GIMD1: variants seen among roughly 807,000 people sequenced by gnomAD.
GIMD1 encodes GTPase IMAP family member GIMD1.
Under a neutral mutation model 14.9 loss-of-function variants are expected in GIMD1, and 14 were observed. That is an observed-to-expected ratio of 0.94 (90% CI 0.62 to 1.47). The LOEUF (loss-of-function observed/expected upper bound fraction) is 1.47. Among genes scored for constraint, GIMD1 ranks in the 40% most tolerant of loss-of-function variants. GIMD1 has a pLI of 0.00. For synonymous variants in GIMD1, 91 were observed against 90.5 expected (o/e 1.01, Z -0.03); for missense variants, 272 against 255.3 (o/e 1.07, Z -0.44).
chr4:106,362,652 GAAAC>G (rs1204712181), intron 2 of GIMD1, among the ~76,000 whole-genome samples: 2 of 151,934 alleles, frequency 1.3e-5, no homozygotes, highest in African/African-American at 4.8e-5. Context: ...TTTTTAGGGT[GAAAC>G]AAACAAACAA....
intron 2 of GIMD1, 32 bp downstream of exon 2, chr4:106,367,011 A>G: frequency 8.0e-7 from 1 of 1,252,628 alleles, no homozygotes; most frequent in Non-Finnish European, 1.1e-6. Context: ...AGAAGTAATA[A>G]TGGCATTAGT....
intron 2 of GIMD1, among the ~76,000 whole-genome samples, chr4:106,359,036 C>A (rs1272560432): frequency 1.3e-5 from 2 of 151,816 alleles, no homozygotes; most frequent in East Asian, 3.9e-4. Flanking sequence ...AGAATGGAAC[C>A]CAATTTATCT....
rs542585678 is a variant in GIMD1, at chr4:106,361,296, A to G, written c.394-2853T>C. On this transcript the variant is annotated intron_variant, in intron 2 of 2. Transcript: ENST00000638719. The stretch of plus-strand genomic sequence containing the variant: ...AGACAGACAGGAAAGAAATACTTTG[A>G]ATTTGTTTCAATTGCAAGTGTGATA... Among the ~76,000 whole-genome samples the G allele has an allele frequency of 5.9e-4, 90 of 152,152 alleles. 4 individuals carry two copies. The highest frequency in any genetic ancestry group is 1.8e-3 in the Admixed American group (27 of 15,242).
chr4:106,365,619 G>A (rs1405961048), intron 2 of GIMD1, among the ~76,000 whole-genome samples: 1 of 152,056 alleles, frequency 6.6e-6, no homozygotes, highest in Non-Finnish European at 1.5e-5. Context: ...TCACCATTCA[G>A]TATAAAGTTT....
Position 106,358,115 on chromosome 4 carries a change from A to C in GIMD1, c.*68T>G. 1.9e-6 allele frequency: 2 copies of C among 1,072,340 alleles called. No homozygotes were observed. The highest frequency in any genetic ancestry group is 2.6e-6 in the Non-Finnish European group (2 of 770,960). 66.4% of individuals were successfully genotyped at this position (1,072,340 alleles called of 1,614,324 possible). On this transcript the variant is annotated 3_prime_UTR_variant, in exon 3 of 3. Coordinates refer to ENST00000638719, the MANE Select transcript of GIMD1 (RefSeq NM_001195138.2). ...ATACTTATGGTCCACATTCATGTCA[A>C]TAAAGGCATTCTTTGTAGCTAGGTT...
At chr4:106,364,401 G>A (rs1579657695) in intron 2 of GIMD1, among the ~76,000 whole-genome samples, 1 of 152,118 alleles carries the variant, frequency 6.6e-6, no homozygotes, top group South Asian at 2.1e-4. Flanking sequence ...GAAATCCATA[G>A]TGTGCCTGAA....
intron 2 of GIMD1, among the ~76,000 whole-genome samples, chr4:106,361,319 A>T (rs1348455112): frequency 6.6e-6 from 1 of 152,068 alleles, no homozygotes; most frequent in Non-Finnish European, 1.5e-5. Context: ...TGCAAGTGTG[A>T]TAGAAATTAT....
At chr4:106,362,333 T>C (rs556246740) in intron 2 of GIMD1, among the ~76,000 whole-genome samples, 2 of 152,244 alleles carry the variant, frequency 1.3e-5, no homozygotes, top group Admixed American at 6.5e-5. Context: ...TGGCCAAACA[T>C]GTTCTCTATG....
At chr4:106,364,124 A>C (rs1770657380) in intron 2 of GIMD1, among the ~76,000 whole-genome samples, 2 of 152,150 alleles carry the variant, frequency 1.3e-5, no homozygotes, top group African/African-American at 4.8e-5. Context: ...TAAATTAATA[A>C]AGGCCTAACA....
Position 106,358,672 on chromosome 4 carries a change from CTTTTA to C in GIMD1, c.394-234_394-230del, listed in dbSNP as rs1488703216. Among the ~76,000 whole-genome samples, 5 of 151,800 alleles carry C rather than the reference CTTTTA, an allele frequency of 3.3e-5. No individual in the cohort carries two copies. The South Asian group carries it at 1.0e-3, about 31-fold the overall frequency. On this transcript the variant is annotated intron_variant, in intron 2 of 2. Transcript: ENST00000638719. ...GATTAAACAGAGAATTAAATTCTCT[CTTTTA>C]TTTTACTATGATAATTGATATATAC... is the stretch of plus-strand genomic sequence containing the variant.
At chr4:106,365,472 G>A (rs1770684040) in intron 2 of GIMD1, among the ~76,000 whole-genome samples, 1 of 151,238 alleles carries the variant, frequency 6.6e-6, no homozygotes, top group African/African-American at 2.4e-5. Context: ...ATCTTTTCTA[G>A]TTAAAGGAAA....
intron 2 of GIMD1, 102 bp from the exon 3 acceptor site, chr4:106,358,545 T>C: frequency 1.2e-6 from 1 of 840,852 alleles, no homozygotes; most frequent in Admixed American, 3.5e-5. Context: ...CAGATCCATA[T>C]TATTATGTTT....
At chr4:106,364,092 T>G (rs1197707818) in intron 2 of GIMD1, among the ~76,000 whole-genome samples, 1 of 152,154 alleles carries the variant, frequency 6.6e-6, no homozygotes, top group African/African-American at 2.4e-5. Context: ...CATGACTCAC[T>G]GATATCTCTT....
chr4:106,358,652 A>C (rs1332498283), intron 2 of GIMD1, among the ~76,000 whole-genome samples: 2 of 151,930 alleles, frequency 1.3e-5, no homozygotes. Flanking sequence ...GGCAGGATTA[A>C]ACAGAGAATT....
chr4:106,363,138 G>A (rs372671344), intron 2 of GIMD1, among the ~76,000 whole-genome samples: 25 of 152,106 alleles, frequency 1.6e-4, no homozygotes, highest in African/African-American at 5.5e-4. Flanking sequence ...AAGTCTACCA[G>A]GATAAACCTA....
chr4:106,365,393 T>TTG (rs1770682652), intron 2 of GIMD1, among the ~76,000 whole-genome samples: 1 of 150,782 alleles, frequency 6.6e-6, no homozygotes, highest in Non-Finnish European at 1.5e-5. Context: ...ATGGCTGGGT[T>TTG]TTTTTTTTTC....
At chr4:106,366,960 T>G (rs3018064) in intron 2 of GIMD1, 83 bp downstream of exon 2, 9 of 258,856 alleles carry the variant, frequency 3.5e-5, no homozygotes, top group Non-Finnish European at 6.0e-5. Flanking sequence ...AATAATAATA[T>G]TATTATTATT....
At chr4:106,361,736 G>A (rs184142498) in intron 2 of GIMD1, among the ~76,000 whole-genome samples, 101 of 152,142 alleles carry the variant, frequency 6.6e-4, no homozygotes, top group South Asian at 8.3e-4. Flanking sequence ...TGGCTGATGT[G>A]TAGATCATAC....
chr4:106,358,672 C>T (rs148730026), intron 2 of GIMD1, among the ~76,000 whole-genome samples: 1 of 151,800 alleles, frequency 6.6e-6, no homozygotes, highest in Non-Finnish European at 1.5e-5. Flanking sequence ...TAAATTCTCT[C>T]TTTTATTTTA....
Sources: gnomAD v4.1 joint callset for allele counts (sites outside exome capture counted in the v4.1 genomes callset) on GRCh38, gnomAD v4.1.1 for gene constraint, MANE v1.5 for transcripts, NCBI Gene and HGNC (gene_info 2026-07-23, HGNC 2026-07-21) for gene names.